NRXN1: variants seen among roughly 807,000 people sequenced by gnomAD.
NRXN1 encodes neurexin-1.
In NRXN1, 39 loss-of-function variants were observed where a neutral mutation model predicts 150.9. The ratio of observed to expected loss-of-function variants is 0.26; its 90% CI spans 0.20 to 0.34. The LOEUF (loss-of-function observed/expected upper bound fraction) is 0.34, where lower values mean the gene tolerates loss of function less well. NRXN1 is among the 10% of genes least tolerant of loss of function. NRXN1 has a pLI of 1.00. For synonymous variants in NRXN1, 924 were observed against 757.0 expected (o/e 1.22, Z -3.62); for missense variants, 1,815 against 1,949.9 (o/e 0.93, Z 1.30).
intron 9 of NRXN1, among the ~76,000 whole-genome samples, chr2:50,551,716 G>A (rs536831510): frequency 6.6e-6 from 1 of 152,188 alleles, no homozygotes; most frequent in East Asian, 1.9e-4. Flanking sequence ...TTAAATAAAT[G>A]TAGTTGTATA....
intron 17 of NRXN1, among the ~76,000 whole-genome samples, chr2:50,354,569 A>ATATATG (rs2078658193): frequency 7.0e-6 from 1 of 141,888 alleles, no homozygotes; most frequent in African/African-American, 2.6e-5. Context: ...ATATATATAT[A>ATATATG]TATATATATA....
intron 8 of NRXN1, among the ~76,000 whole-genome samples, chr2:50,615,075 T>C (rs1011527661): frequency 6.6e-6 from 1 of 152,196 alleles, no homozygotes; most frequent in East Asian, 1.9e-4. Context: ...CCAAACCTCA[T>C]CTACCTCAGT....
intron 21 of NRXN1, among the ~76,000 whole-genome samples, chr2:49,963,280 A>G (rs1425176786): frequency 6.6e-6 from 1 of 152,168 alleles, no homozygotes; most frequent in Non-Finnish European, 1.5e-5. Context: ...TTTTACTGCT[A>G]TGTATTGGCT....
At chr2:49,983,700 G>C (rs956564105) in intron 21 of NRXN1, among the ~76,000 whole-genome samples, 7 of 152,098 alleles carry the variant, frequency 4.6e-5, no homozygotes, top group Admixed American at 6.6e-5. Flanking sequence ...AATAAGATTA[G>C]AAACCACCTG....
rs536170328 is a variant in NRXN1, at chr2:50,659,890, T to C, written c.833-36275A>G. ...TCTAAATTAAGTTTCTATTTTAATATGATTAGAGGCTTTGAAGAAACAATG... is the reference window on the plus strand; with the variant it reads ...TCTAAATTAAGTTTCTATTTTAATACGATTAGAGGCTTTGAAGAAACAATG... On this transcript the variant is annotated intron_variant, in intron 5 of 22. Transcript: ENST00000401669. 9.2e-5 allele frequency among the ~76,000 whole-genome samples: 14 copies of C among 152,162 alleles called. No homozygotes were observed. In the South Asian group the frequency reaches 2.9e-3, roughly 32 times the overall value.
At chr2:50,525,575 T>C (rs752269609) in intron 12 of NRXN1, among the ~76,000 whole-genome samples, 1 of 152,204 alleles carries the variant, frequency 6.6e-6, no homozygotes, top group Non-Finnish European at 1.5e-5. Context: ...AAACATATTT[T>C]AGCAATGGTA....
intron 8 of NRXN1, among the ~76,000 whole-genome samples, chr2:50,611,782 C>G (rs1678173450): frequency 6.6e-6 from 1 of 152,118 alleles, no homozygotes; most frequent in African/African-American, 2.4e-5. Flanking sequence ...TGCAGGCTGC[C>G]AGAGTAGGGA....
intron 19 of NRXN1, among the ~76,000 whole-genome samples, chr2:50,059,356 G>A (rs1319536856): frequency 3.9e-5 from 6 of 152,214 alleles, no homozygotes; most frequent in African/African-American, 7.2e-5. Context: ...TGTTCAAGAC[G>A]TGACTTGTGT....
chr2:50,263,606 G>T (rs1574818867), intron 17 of NRXN1, among the ~76,000 whole-genome samples: 1 of 151,858 alleles, frequency 6.6e-6, no homozygotes, highest in African/African-American at 2.4e-5. Context: ...AAAAACATAG[G>T]GACTTAAAAC....
intron 2 of NRXN1, among the ~76,000 whole-genome samples, chr2:50,926,808 T>C (rs1047952200): frequency 3.3e-5 from 5 of 151,948 alleles, no homozygotes; most frequent in African/African-American, 1.2e-4. Flanking sequence ...ATTTTGTTAG[T>C]CATATTTCCA....
chr2:50,985,046 T>C (rs1221545784), intron 2 of NRXN1, among the ~76,000 whole-genome samples: 1 of 152,014 alleles, frequency 6.6e-6, no homozygotes, highest in Non-Finnish European at 1.5e-5. Context: ...GAATATATAC[T>C]TTTTAAGATC....
intron 19 of NRXN1, among the ~76,000 whole-genome samples, chr2:50,088,169 C>T (rs72832040): frequency 0.082 from 12,441 of 152,160 alleles, 681 homozygotes; most frequent in Non-Finnish European, 0.13. Flanking sequence ...CTACTGAACT[C>T]GTATTTACAA....
chr2:50,515,977 T>C (rs1393328819), intron 12 of NRXN1, among the ~76,000 whole-genome samples: 1 of 152,146 alleles, frequency 6.6e-6, no homozygotes, highest in Non-Finnish European at 1.5e-5. Context: ...AAGTAATCTG[T>C]CCTCCAGTTA....
intron 5 of NRXN1, among the ~76,000 whole-genome samples, chr2:50,798,222 G>C (rs1707113443): frequency 6.6e-6 from 1 of 152,194 alleles, no homozygotes; most frequent in African/African-American, 2.4e-5. Context: ...TAATATAGTT[G>C]TTATGATCTC....
chr2:50,814,223 C>T (rs1668614446), intron 5 of NRXN1, among the ~76,000 whole-genome samples: 1 of 152,100 alleles, frequency 6.6e-6, no homozygotes, highest in African/African-American at 2.4e-5. Context: ...TCTTGAACTC[C>T]TGGCCTCAAG....
At chr2:50,856,084 C>T (rs891427577) in intron 5 of NRXN1, among the ~76,000 whole-genome samples, 1 of 150,658 alleles carries the variant, frequency 6.6e-6, no homozygotes. Flanking sequence ...TTGCATGAGA[C>T]CTTTGTAATT....
intron 8 of NRXN1, among the ~76,000 whole-genome samples, chr2:50,561,605 G>A (rs910720511): frequency 3.9e-5 from 6 of 152,094 alleles, no homozygotes; most frequent in South Asian, 2.1e-4. Context: ...ATAGGTCCAG[G>A]GTTATGAAAT....
chr2:50,793,434 C>T (rs551303979), intron 5 of NRXN1, among the ~76,000 whole-genome samples: 1 of 152,102 alleles, frequency 6.6e-6, no homozygotes, highest in African/African-American at 2.4e-5. Context: ...GGAAGCAGGG[C>T]GATTTTTGGT....
intron 2 of NRXN1, among the ~76,000 whole-genome samples, chr2:50,943,021 C>A (rs1371868343): frequency 1.3e-5 from 2 of 152,054 alleles, no homozygotes; most frequent in South Asian, 2.1e-4. Flanking sequence ...GAGCAGACAT[C>A]CCCCTTGCTC....
Sources: allele counts gnomAD v4.1 joint callset (sites outside exome capture counted in the v4.1 genomes callset), GRCh38; gene constraint gnomAD v4.1.1; transcripts MANE v1.5; gene names NCBI Gene and HGNC (gene_info 2026-07-23, HGNC 2026-07-21).